Variants in C1orf141 observed in about 807,000 individuals in gnomAD.
The protein encoded by C1orf141 is uncharacterized protein C1orf141.
A neutral mutation model predicts 23.2 loss-of-function variants in C1orf141; 19 were observed. The observed-to-expected ratio is 0.82, with a 90% CI of 0.57 to 1.20. The LOEUF (loss-of-function observed/expected upper bound fraction) is 1.20, where lower values mean the gene tolerates loss of function less well. Among genes scored for constraint, C1orf141 ranks in the 50% most tolerant of loss-of-function variants. The pLI, the probability that C1orf141 is intolerant of heterozygous loss-of-function variation, is 0.00. For missense variants in C1orf141, 469 were observed against 455.1 expected (o/e 1.03, Z -0.28); for synonymous variants, 153 against 154.6 (o/e 0.99, Z 0.08).
At chr1:67,120,335 T>A (rs1207785082) in intron 4 of C1orf141, among the ~76,000 whole-genome samples, 1 of 152,158 alleles carries the variant, frequency 6.6e-6, no homozygotes, top group African/African-American at 2.4e-5. Context: ...CTGATTTAGA[T>A]GATATTTAGT....
chr1:67,094,445 C>T (rs1270471224), intron 7 of C1orf141: 1 of 152,230 alleles, frequency 6.6e-6, no homozygotes, highest in Admixed American at 6.5e-5. Flanking sequence ...GCCCTAGGCT[C>T]TGCCATTCAG....
chr1:67,095,051 G>T (rs188502662), intron 7 of C1orf141, 184 bp downstream of exon 7: 4 of 488,680 alleles, frequency 8.2e-6, no homozygotes, highest in Non-Finnish European at 1.4e-5. Context: ...CTGGTATAAA[G>T]GAATCCCTGG....
At chr1:67,108,854 G>A (rs949343412) in intron 5 of C1orf141, among the ~76,000 whole-genome samples, 1 of 152,064 alleles carries the variant, frequency 6.6e-6, no homozygotes, top group Non-Finnish European at 1.5e-5. Flanking sequence ...AATTATCAGG[G>A]AAATGCAAAT....
At position 67,132,026 on chromosome 1, in the gene C1orf141, G is replaced by A. The variant is rs572975343; in HGVS notation, c.-103-799C>T. ...TCTCAAACTCCTGACCTTGTGATCC[G>A]CCCACCTCGGCCTCCCAAAGTTCTG... On this transcript the variant is annotated intron_variant, in intron 1 of 7. Coordinates refer to ENST00000684719, the MANE Select transcript of C1orf141 (RefSeq NM_001276351.2). Among the ~76,000 whole-genome samples the A allele has an allele frequency of 1.6e-3, 237 of 151,360 alleles. 1 individual carries two copies. Among genetic ancestry groups the A allele is most frequent in the Middle Eastern group, 3.4e-3 (1 of 290 alleles).
intron 2 of C1orf141, among the ~76,000 whole-genome samples, chr1:67,129,532 G>A (rs889376986): frequency 9.9e-5 from 15 of 152,092 alleles, no homozygotes; most frequent in African/African-American, 3.4e-4. Flanking sequence ...GCCTTGTGAC[G>A]AACCACACAA....
At chr1:67,094,361 A>G (rs1400251834) in intron 7 of C1orf141, 2 of 152,216 alleles carry the variant, frequency 1.3e-5, no homozygotes, top group African/African-American at 4.8e-5. Context: ...TTTCCACTTG[A>G]CAAGTCTATG....
chr1:67,119,341 A>C (rs1016015921), intron 4 of C1orf141, among the ~76,000 whole-genome samples: 2 of 152,214 alleles, frequency 1.3e-5, no homozygotes, highest in Non-Finnish European at 2.9e-5. Flanking sequence ...TTTGTGTTTT[A>C]GTATTTTGTG....
Position 67,111,474 on chromosome 1 carries a change from C to T in C1orf141, c.346+3878G>A, listed in dbSNP as rs12409860. 5.2e-3 allele frequency: 2,427 copies of T among 463,974 alleles called. 12 individuals are homozygous for T. Among genetic ancestry groups the T allele is most frequent in the Middle Eastern group, 0.012 (24 of 1,974 alleles). The allele number at this position is 463,974 out of a possible 1,614,324, so 28.7% of individuals were successfully genotyped here. Reference sequence around the variant, plus strand: ...CTTTAACATTTTATCATTTTGAATCCTAAAATTCACTTGAATTTTGGATTT... The same window carrying T: ...CTTTAACATTTTATCATTTTGAATCTTAAAATTCACTTGAATTTTGGATTT... On this transcript the variant is annotated intron_variant, in intron 5 of 7. Transcript: ENST00000684719.
intron 1 of C1orf141, among the ~76,000 whole-genome samples, chr1:67,132,455 G>A (rs563788265): frequency 1.3e-5 from 2 of 152,214 alleles, no homozygotes; most frequent in African/African-American, 2.4e-5. Flanking sequence ...CCCAGGTGGC[G>A]GAGGTTGCAG....
At position 67,132,537 on chromosome 1, in the gene C1orf141, G is replaced by A. The variant is rs114758083; in HGVS notation, c.-103-1310C>T. On this transcript the variant is annotated intron_variant, in intron 1 of 7. Transcript: ENST00000684719. ...TCTCCATTTCAAAAAAAAAAAAGAGGTTTACTCTTTGACAGATCTCTTCCT... is the reference window on the plus strand; with the variant it reads ...TCTCCATTTCAAAAAAAAAAAAGAGATTTACTCTTTGACAGATCTCTTCCT... Among the ~76,000 whole-genome samples the A allele has an allele frequency of 9.0e-3, 1,372 of 151,966 alleles. 22 individuals are homozygous for A. The highest frequency in any genetic ancestry group is 0.031 in the African/African-American group (1,306 of 41,474).
intron 4 of C1orf141, chr1:67,123,682 A>G (rs1646345754): frequency 6.6e-6 from 1 of 152,216 alleles, no homozygotes; most frequent in Non-Finnish European, 1.5e-5. Context: ...GGATCCAAGT[A>G]TCAGTTATTC....
At position 67,095,318 on chromosome 1, in the gene C1orf141, G is replaced by A. The variant is rs1448909640; in HGVS notation, c.520C>T (p.Pro174Ser). ...TTCAATTCATCCTCAAAGCACAACGGGAGCAAGCTTTTCTTTCTTACTGAC... is the reference window on the plus strand; with the variant it reads ...TTCAATTCATCCTCAAAGCACAACGAGAGCAAGCTTTTCTTTCTTACTGAC... Reference protein sequence around the residue: ...YRSVRKKSLLPLCFEDELKNP... With the variant: ...YRSVRKKSLLSLCFEDELKNP... The change falls in exon 7 of 8, where the codon CCG (proline) becomes TCG (serine). Residue 174 changes from proline to serine, a missense_variant. By Grantham distance (74) the Pro-to-Ser change is moderately conservative (BLOSUM62 -1). Around this residue, in one of 3 missense-constraint regions of C1orf141, gnomAD observed 370 missense variants for 348.1 expected, o/e 1.06. Coordinates refer to ENST00000684719, the MANE Select transcript of C1orf141 (RefSeq NM_001276351.2). 6 of 1,605,540 alleles carry A rather than the reference G, an allele frequency of 3.7e-6. No individual in the cohort carries two copies. Among genetic ancestry groups the A allele is most frequent in the Non-Finnish European group, 4.3e-6 (5 of 1,173,366 alleles).
At chr1:67,133,065 C>G (rs1319978654) in intron 1 of C1orf141, among the ~76,000 whole-genome samples, 1 of 152,116 alleles carries the variant, frequency 6.6e-6, no homozygotes, top group Non-Finnish European at 1.5e-5. Context: ...TAAGTCATAT[C>G]TAAAATAAAA....
upstream of C1orf141, among the ~76,000 whole-genome samples, chr1:67,138,550 C>T (rs1352147478): frequency 6.6e-6 from 1 of 152,008 alleles, no homozygotes; most frequent in Non-Finnish European, 1.5e-5. Context: ...TTTTTTCTCC[C>T]TTTGTTTCCT....
rs756257374 is a variant in C1orf141 at position 67,095,317 on chromosome 1, G to A, written c.521C>T (p.Pro174Leu). Residue 174 changes from proline to leucine, a missense_variant, in exon 7 of 8, where the codon CCG (proline) becomes CTG (leucine). Pro to Leu is a moderately conservative substitution (Grantham distance 98). Transcript: ENST00000684719. ...YRSVRKKSLL[P>L]LCFEDELKNP... is the part of the protein sequence containing the mutation. The stretch of plus-strand genomic sequence containing the variant: ...TTTCAATTCATCCTCAAAGCACAAC[G>A]GGAGCAAGCTTTTCTTTCTTACTGA... The A allele has an allele frequency of 2.4e-5, 38 of 1,605,158 alleles. No individual in the cohort carries two copies. The highest frequency in any genetic ancestry group is 3.3e-5 in the South Asian group (3 of 90,386).
intron 4 of C1orf141, chr1:67,122,280 G>T (rs1646315431): frequency 6.6e-6 from 1 of 152,156 alleles, no homozygotes; most frequent in Admixed American, 6.6e-5. Context: ...CAGGTGATCA[G>T]GCCATCTCGG....
In C1orf141 at chr1:67,093,234, G is replaced by T. The variant is rs770284193; in HGVS notation, c.974C>A (p.Thr325Lys). Residue 325 changes from threonine (T) to lysine (K), a missense_variant, in exon 8 of 8, where the codon ACA becomes AAA. Thr to Lys is a moderately conservative substitution (Grantham distance 78). Transcript: ENST00000684719. ...ATCAAGGTAACCCACAAATTGTTTT[G>T]TTAGGCTAGAAAAATTCTGTGAGAA... ...YNFSQNFSSL[T>K]KQFVGYLDKA... The T allele has an allele frequency of 1.2e-6, 2 of 1,613,876 alleles. No homozygotes were observed. Among genetic ancestry groups the T allele is most frequent in the Admixed American group, 1.7e-5 (1 of 60,014 alleles).
At chr1:67,097,726 G>C (rs1645714278) in intron 5 of C1orf141, among the ~76,000 whole-genome samples, 1 of 141,926 alleles carries the variant, frequency 7.0e-6, no homozygotes, top group South Asian at 2.6e-4. Flanking sequence ...GGGAATGTGG[G>C]TGGCAAGAGC....
intron 5 of C1orf141, chr1:67,113,731 A>G (rs1341054627): frequency 7.9e-7 from 1 of 1,270,750 alleles, no homozygotes; most frequent in Non-Finnish European, 1.0e-6. Flanking sequence ...GGCTTTAATC[A>G]GGATCAGCCT....
Sources: allele counts gnomAD v4.1 joint callset (sites outside exome capture counted in the v4.1 genomes callset), GRCh38; gene constraint gnomAD v4.1.1; regional missense constraint gnomAD v4.1.1; transcripts MANE v1.5; gene names NCBI Gene and HGNC (gene_info 2026-07-23, HGNC 2026-07-21).